Variants in DNAJC8 observed in about 807,000 individuals in gnomAD.
DNAJC8 encodes dnaJ homolog subfamily C member 8.
Under a neutral mutation model 43.2 loss-of-function variants are expected in DNAJC8, and 24 were observed. That is an observed-to-expected ratio of 0.56 (90% CI 0.40 to 0.78). The LOEUF (loss-of-function observed/expected upper bound fraction) is 0.78, where lower values mean the gene tolerates loss of function less well. DNAJC8 is among the 30% of genes least tolerant of loss of function. DNAJC8 has a pLI of 0.00. For synonymous variants in DNAJC8, 83 were observed against 98.0 expected, an observed-to-expected ratio of 0.85 and a Z score of 0.90; for missense variants, 207 against 299.4, an observed-to-expected ratio of 0.69 and a Z score of 2.28.
At chr1:28,213,441 G>A (rs575340302) in intron 3 of DNAJC8, among the ~76,000 whole-genome samples, 11 of 152,036 alleles carry the variant, frequency 7.2e-5, no homozygotes, top group Admixed American at 4.6e-4. Context: ...ATATGATTAC[G>A]TAGACCAAGT....
intron 4 of DNAJC8, 59 bp from the exon 5 acceptor site, chr1:28,210,125 T>C (rs567179178): frequency 1.4e-6 from 2 of 1,464,988 alleles, no homozygotes; most frequent in Admixed American, 1.7e-5. Flanking sequence ...GTCTGAACTA[T>C]ACTCAGGCAG....
chr1:28,206,060 C>T (rs6659775), intron 6 of DNAJC8, among the ~76,000 whole-genome samples: 9,130 of 151,904 alleles, frequency 0.06, 305 homozygotes, highest in Middle Eastern at 0.092. Flanking sequence ...GGTGTGGTGG[C>T]GCACACTTGT....
chr1:28,224,754 C>T (rs1253803460), intron 2 of DNAJC8, among the ~76,000 whole-genome samples: 7 of 151,998 alleles, frequency 4.6e-5, no homozygotes, highest in Admixed American at 3.3e-4. Flanking sequence ...CATGGTGGCA[C>T]GCTCCTGTAA....
intron 3 of DNAJC8, among the ~76,000 whole-genome samples, chr1:28,211,719 C>T (rs1328425872): frequency 2.0e-5 from 3 of 152,126 alleles, no homozygotes; most frequent in Admixed American, 2.0e-4. Flanking sequence ...AGGGAATTAG[C>T]CCTTATTTTG....
intron 8 of DNAJC8, 111 bp from the exon 9 acceptor site, chr1:28,201,481 G>A (rs1282533803): frequency 6.6e-7 from 1 of 1,510,436 alleles, no homozygotes; most frequent in Non-Finnish European, 9.0e-7. Context: ...CAGTCCTCTG[G>A]AATAACCCAA....
rs1329928459 is a variant in DNAJC8, at chr1:28,200,535, C to G, written c.*713G>C. ...GACAAGGGACCCACAAGGGAGAGTA[C>G]AAGGAAAAGTACATCAATGGCTTGG... On this transcript the variant is annotated 3_prime_UTR_variant, in exon 9 of 9. Transcript: ENST00000263697. 1 of 456,438 alleles carries G rather than the reference C, an allele frequency of 2.2e-6. No homozygotes were observed. The allele number at this position is 456,438 out of a possible 1,614,324, so 28.3% of individuals were successfully genotyped here.
chr1:28,221,385 G>C (rs1041482323), intron 2 of DNAJC8, among the ~76,000 whole-genome samples: 8 of 151,908 alleles, frequency 5.3e-5, no homozygotes, highest in Non-Finnish European at 1.2e-4. Flanking sequence ...GAACAGTCAG[G>C]GAGTCCTGCC....
At chr1:28,215,198 T>C (rs533991456) in intron 2 of DNAJC8, among the ~76,000 whole-genome samples, 2 of 152,330 alleles carry the variant, frequency 1.3e-5, no homozygotes, top group South Asian at 2.1e-4. Context: ...TATTGTCTTA[T>C]GGTACTCAAA....
intron 3 of DNAJC8, among the ~76,000 whole-genome samples, chr1:28,211,696 T>A (rs1646811390): frequency 6.6e-6 from 1 of 152,160 alleles, no homozygotes; most frequent in African/African-American, 2.4e-5. Context: ...TAGACTGGGT[T>A]TCAGATGATC....
chr1:28,210,285 A>G (rs1646802025), intron 4 of DNAJC8: 2 of 571,422 alleles, frequency 3.5e-6, no homozygotes, highest in African/African-American at 1.9e-5. Flanking sequence ...AATACACTAC[A>G]TCTGGATTTA....
chr1:28,220,467 A>T (rs1646891029), intron 2 of DNAJC8, among the ~76,000 whole-genome samples: 1 of 152,252 alleles, frequency 6.6e-6, no homozygotes, highest in Non-Finnish European at 1.5e-5. Context: ...AAAGAAAAGA[A>T]ATGTATTTCT....
At chr1:28,202,480 C>T (rs1005852466) in intron 8 of DNAJC8, among the ~76,000 whole-genome samples, 4 of 151,420 alleles carry the variant, frequency 2.6e-5, no homozygotes, top group Admixed American at 6.6e-5. Context: ...GGGGTTTCAC[C>T]GTGTTAGCCA....
intron 2 of DNAJC8, among the ~76,000 whole-genome samples, chr1:28,222,462 G>A (rs1026255383): frequency 6.9e-6 from 1 of 144,564 alleles, no homozygotes; most frequent in African/African-American, 2.6e-5. Flanking sequence ...CTCCAGCCTG[G>A]GTGATAAAGC....
intron 2 of DNAJC8, among the ~76,000 whole-genome samples, chr1:28,216,138 TAGG>T (rs1411658247): frequency 1.3e-5 from 2 of 151,976 alleles, no homozygotes; most frequent in East Asian, 3.9e-4. Flanking sequence ...CACTTGAGGC[TAGG>T]AGATTGAGAC....
In DNAJC8 at chr1:28,201,099, C is replaced by T; in HGVS notation, c.*149G>A. On this transcript the variant is annotated 3_prime_UTR_variant, in exon 9 of 9. Coordinates refer to ENST00000263697, the MANE Select transcript of DNAJC8 (RefSeq NM_014280.3). The stretch of plus-strand genomic sequence containing the variant: ...CATTTCAATGTACAAAAGAATTACT[C>T]TGATCGATATTAAATCGTATTGAAA... 8.5e-7 allele frequency: 1 copy of T among 1,173,666 alleles called. No homozygotes were observed. The allele number at this position is 1,173,666 out of a possible 1,614,324, so 72.7% of individuals were successfully genotyped here.
At chr1:28,218,858 G>A (rs1646879837) in intron 2 of DNAJC8, among the ~76,000 whole-genome samples, 2 of 152,276 alleles carry the variant, frequency 1.3e-5, no homozygotes, top group South Asian at 2.1e-4. Context: ...CACTCAATAG[G>A]AAGAGCAAAG....
intron 6 of DNAJC8, among the ~76,000 whole-genome samples, chr1:28,205,759 G>A (rs940279621): frequency 2.0e-5 from 3 of 152,080 alleles, no homozygotes; most frequent in Admixed American, 2.0e-4. Flanking sequence ...ATGTTGGTGC[G>A]TGACTGTAAT....
chr1:28,208,516 T>C, intron 5 of DNAJC8, 103 bp from the exon 6 acceptor site: 2 of 581,054 alleles, frequency 3.4e-6, no homozygotes, highest in East Asian at 3.5e-5. Flanking sequence ...GGCACGGGTA[T>C]AGCAAAAAGT....
At chr1:28,214,762 CATTAA>C (rs1472289478) in intron 3 of DNAJC8, among the ~76,000 whole-genome samples, 173 bp downstream of exon 3, 1 of 151,812 alleles carries the variant, frequency 6.6e-6, no homozygotes, top group Non-Finnish European at 1.5e-5. Context: ...AAGCTATGGT[CATTAA>C]ATTATTTAAG....
Sources: allele counts gnomAD v4.1 joint callset (sites outside exome capture counted in the v4.1 genomes callset), GRCh38; gene constraint gnomAD v4.1.1; transcripts MANE v1.5; gene names NCBI Gene and HGNC (gene_info 2026-07-23, HGNC 2026-07-21).